NTM: variants seen among roughly 807,000 people sequenced by gnomAD.
The protein encoded by NTM is IgLON family member 2.
Under a neutral mutation model 42.1 loss-of-function variants are expected in NTM, and 13 were observed. The observed-to-expected ratio is 0.31, with a 90% CI of 0.20 to 0.49. The LOEUF is 0.49. NTM is among the 20% of genes least tolerant of loss of function. The pLI is 0.99. For missense variants in NTM, 373 were observed against 452.8 expected, an observed-to-expected ratio of 0.82 and a Z score of 1.60; for synonymous variants, 187 against 179.2, an observed-to-expected ratio of 1.04 and a Z score of -0.35.
intron 1 of NTM, among the ~76,000 whole-genome samples, chr11:131,726,796 C>T (rs1047301192): frequency 2.6e-5 from 4 of 150,992 alleles, no homozygotes; most frequent in Non-Finnish European, 5.9e-5. Context: ...TCATTGCAGC[C>T]TAAACCTAAT....
At chr11:132,154,995 T>A (rs1228438439) in intron 3 of NTM, among the ~76,000 whole-genome samples, 1 of 152,166 alleles carries the variant, frequency 6.6e-6, no homozygotes, top group Non-Finnish European at 1.5e-5. Flanking sequence ...AATTATATAT[T>A]CATGTCTTTG....
At chr11:131,708,811 G>A (rs2076839834) in intron 1 of NTM, among the ~76,000 whole-genome samples, 1 of 152,130 alleles carries the variant, frequency 6.6e-6, no homozygotes, top group Non-Finnish European at 1.5e-5. Context: ...TTTTTGCTGG[G>A]AGAAAATGGG....
chr11:131,473,032 A>G (rs1952593494), intron 1 of NTM, among the ~76,000 whole-genome samples: 1 of 152,224 alleles, frequency 6.6e-6, no homozygotes, highest in Admixed American at 6.5e-5. Flanking sequence ...ATAACAATGA[A>G]AATAATAGCC....
At chr11:132,168,477 A>G (rs1234094653) in intron 3 of NTM, among the ~76,000 whole-genome samples, 1 of 152,212 alleles carries the variant, frequency 6.6e-6, no homozygotes, top group Non-Finnish European at 1.5e-5. Context: ...ATAGGAATCA[A>G]TGAGACCTGC....
chr11:131,508,262 C>A (rs1201209314), intron 1 of NTM, among the ~76,000 whole-genome samples: 4 of 143,778 alleles, frequency 2.8e-5, no homozygotes, highest in Non-Finnish European at 6.1e-5. Flanking sequence ...GACATTTATG[C>A]AGCCAAAAAA....
At chr11:132,115,363 G>A (rs1432378007) in intron 2 of NTM, among the ~76,000 whole-genome samples, 3 of 152,208 alleles carry the variant, frequency 2.0e-5, no homozygotes, top group South Asian at 2.1e-4. Flanking sequence ...ATGTTAATTA[G>A]CCTGGTTGCA....
chr11:132,134,681 T>C (rs150122417), intron 2 of NTM, among the ~76,000 whole-genome samples: 1,492 of 141,386 alleles, frequency 0.011, 25 homozygotes, highest in Non-Finnish European at 0.017. Context: ...TTTGTTCCTT[T>C]TTATGGCCGA....
intron 3 of NTM, among the ~76,000 whole-genome samples, chr11:132,205,549 C>T (rs1179358563): frequency 6.6e-6 from 1 of 152,164 alleles, no homozygotes; most frequent in East Asian, 1.9e-4. Context: ...CAGCATGGCT[C>T]CCTTGGCTTC....
intron 1 of NTM, among the ~76,000 whole-genome samples, chr11:131,577,222 T>C (rs2058018759): frequency 6.6e-6 from 1 of 152,210 alleles, no homozygotes; most frequent in Admixed American, 6.5e-5. Flanking sequence ...GAACATACCT[T>C]GTAGCTAGAA....
At chr11:131,405,918 G>T (rs1945762435) in intron 1 of NTM, among the ~76,000 whole-genome samples, 1 of 152,080 alleles carries the variant, frequency 6.6e-6, no homozygotes, top group Non-Finnish European at 1.5e-5. Flanking sequence ...TTCCTGGAAG[G>T]TTTTCCCTCC....
chr11:131,847,937 CT>C (rs2045105782), intron 1 of NTM, among the ~76,000 whole-genome samples: 1 of 152,154 alleles, frequency 6.6e-6, no homozygotes. Flanking sequence ...ACAATGTATT[CT>C]GTTTGTATGT....
intron 1 of NTM, among the ~76,000 whole-genome samples, chr11:131,704,679 ATAATCT>A (rs1488912784): frequency 6.6e-6 from 1 of 152,234 alleles, no homozygotes. Context: ...ATTTAAAATA[ATAATCT>A]TAAAGAAGTG....
At chr11:131,909,325 G>C (rs552140575) in intron 1 of NTM, among the ~76,000 whole-genome samples, 1 of 152,148 alleles carries the variant, frequency 6.6e-6, no homozygotes, top group Non-Finnish European at 1.5e-5. Flanking sequence ...GTAAGTGATT[G>C]GTACTGCTCG....
At chr11:131,423,562 G>T (rs1481220914) in intron 1 of NTM, among the ~76,000 whole-genome samples, 2 of 152,176 alleles carry the variant, frequency 1.3e-5, no homozygotes, top group African/African-American at 4.8e-5. Flanking sequence ...TTGTTGCTGA[G>T]CTTCTTCCTA....
rs975969721 is a variant in NTM at position 131,476,830 on chromosome 11, T to C, written c.82+105942T>C. On this transcript the variant is annotated intron_variant, in intron 1 of 8. Transcript: ENST00000683400. Reference sequence around the variant, plus strand: ...GCTCTCTAATCTTTATCTCAGGGGCTAAATACTATAAGCATTTAAAGTTTA... The same window carrying C: ...GCTCTCTAATCTTTATCTCAGGGGCCAAATACTATAAGCATTTAAAGTTTA... Among the ~76,000 whole-genome samples the C allele has an allele frequency of 7.8e-5, 11 of 141,566 alleles. No homozygotes were observed. The East Asian group carries it at 1.8e-3, about 23-fold the overall frequency. 92.9% of individuals were successfully genotyped at this position (141,566 alleles called of 152,430 possible). A position where few individuals can be genotyped will look rare whatever the true frequency, so the allele number is the denominator to read the frequency against.
Position 132,146,747 on chromosome 11 carries a change from C to T in NTM, c.400+233C>T, listed in dbSNP as rs1293117814. The T allele has an allele frequency of 8.6e-6, 4 of 463,840 alleles. No individual in the cohort carries two copies. The highest frequency in any genetic ancestry group is 7.7e-5 in the Admixed American group (2 of 26,104). The allele number at this position is 463,840 out of a possible 1,614,324, so 28.7% of individuals were successfully genotyped here. On this transcript the variant is annotated intron_variant, in intron 3 of 8. Coordinates refer to ENST00000683400, the MANE Select transcript of NTM (RefSeq NM_001352005.2). The surrounding 1 kb of genome is among the most constrained non-coding windows in gnomAD (Gnocchi z 4.5). ...TTTTTGTTCCAATAATATATTTTCT[C>T]AGGAAATTATCTTGTAATTATTGCT...
At chr11:132,267,827 G>A (rs771768060) in intron 4 of NTM, among the ~76,000 whole-genome samples, 17 of 145,454 alleles carry the variant, frequency 1.2e-4, no homozygotes, top group Non-Finnish European at 2.2e-4. Context: ...GGGTGACAGA[G>A]CAAGACTCCA....
chr11:132,004,605 T>TTC lies in NTM; in HGVS notation c.167+92986_167+92987dup, dbSNP rs71480226. On this transcript the variant is annotated intron_variant, in intron 2 of 8. Coordinates refer to ENST00000683400, the MANE Select transcript of NTM (RefSeq NM_001352005.2). ...AAGAAGTTTCTCTCTCTTTCTCTCT[T>TTC]TCTCTCTCTCTCTCTCTCTCTCTCT... is the stretch of plus-strand genomic sequence containing the variant. Among the ~76,000 whole-genome samples, 1,381 of 144,066 alleles carry TTC rather than the reference T, an allele frequency of 9.6e-3. 10 individuals carry two copies. The highest frequency in any genetic ancestry group is 0.017 in the Admixed American group (239 of 14,208). The allele number at this position is 144,066 out of a possible 152,430, so 94.5% of individuals were successfully genotyped here.
At chr11:132,064,953 G>T (rs2081224259) in intron 2 of NTM, among the ~76,000 whole-genome samples, 2 of 152,032 alleles carry the variant, frequency 1.3e-5, no homozygotes, top group South Asian at 4.2e-4. Context: ...CAATATTATG[G>T]ATTTATTGTC....
Sources: gnomAD v4.1 joint callset for allele counts (sites outside exome capture counted in the v4.1 genomes callset) on GRCh38, gnomAD v4.1.1 for gene constraint, Gnocchi (gnomAD v3.1) non-coding constraint, MANE v1.5 for transcripts, NCBI Gene and HGNC (gene_info 2026-07-23, HGNC 2026-07-21) for gene names.